The following PCDHGA2 variants were observed in gnomAD, a reference collection of about 807,000 sequenced individuals.
PCDHGA2 encodes protocadherin gamma-A2.
PCDHGA2 carries 40 observed loss-of-function variants against 59.2 expected under a neutral mutation model. The ratio of observed to expected loss-of-function variants is 0.68; its 90% CI spans 0.52 to 0.88. The LOEUF (loss-of-function observed/expected upper bound fraction) is 0.88, where lower values mean the gene tolerates loss of function less well. Among genes scored for constraint, PCDHGA2 ranks in the 40% least tolerant of loss-of-function variants. PCDHGA2 has a pLI of 0.00. For synonymous variants in PCDHGA2, 560 were observed against 526.0 expected, an observed-to-expected ratio of 1.06 and a Z score of -0.89; for missense variants, 1,226 against 1,204.0, an observed-to-expected ratio of 1.02 and a Z score of -0.27.
chr5:141,501,302 C>T (rs886901737), intron 2 of PCDHGA2, among the ~76,000 whole-genome samples: 14 of 151,156 alleles, frequency 9.3e-5, no homozygotes, highest in African/African-American at 2.9e-4. Flanking sequence ...CACACACACA[C>T]ACACACACAC....
rs752011641 is a variant in PCDHGA2 at position 141,490,299 on chromosome 5, C to T, written c.2425-4508C>T. 1.2e-6 allele frequency: 2 copies of T among 1,614,068 alleles called. No homozygotes were observed. Among genetic ancestry groups the T allele is most frequent in the East Asian group, 2.2e-5 (1 of 44,896 alleles). Reference sequence around the variant, plus strand: ...ACAATGCCCCAGAGGTGCTATTGGCCTCTTTGGCCAACCCTGTCCTAGAGA... The same window carrying T: ...ACAATGCCCCAGAGGTGCTATTGGCTTCTTTGGCCAACCCTGTCCTAGAGA... On this transcript the variant is annotated intron_variant, in intron 1 of 3. Coordinates refer to ENST00000394576, the MANE Select transcript of PCDHGA2 (RefSeq NM_018915.4). The surrounding 1 kb of genome is among the most constrained non-coding windows in gnomAD (Gnocchi z 5.4).
intron 1 of PCDHGA2, among the ~76,000 whole-genome samples, chr5:141,436,383 G>C (rs1374382672): frequency 6.6e-6 from 1 of 152,104 alleles, no homozygotes; most frequent in Admixed American, 6.5e-5. Context: ...AGCTGAATAG[G>C]CTTTATTAAA....
rs201378410 is a variant in PCDHGA2, at chr5:141,414,802, G to T, written c.2424+73407G>T. Reference sequence around the variant, plus strand: ...GCAGGTGACAGCCAGCGACAGCGGGGATCCTCCACTCAGCAGCAACGTGTC... The same window carrying T: ...GCAGGTGACAGCCAGCGACAGCGGGTATCCTCCACTCAGCAGCAACGTGTC... On this transcript the variant is annotated intron_variant, in intron 1 of 3. Coordinates refer to ENST00000394576, the MANE Select transcript of PCDHGA2 (RefSeq NM_018915.4). The T allele has an allele frequency of 4.3e-6, 7 of 1,614,226 alleles. No homozygotes were observed. The African/African-American group carries it at 8.0e-5, about 18-fold the overall frequency.
intron 1 of PCDHGA2, among the ~76,000 whole-genome samples, chr5:141,451,429 G>A (rs577699188): frequency 1.3e-3 from 195 of 152,306 alleles, no homozygotes; most frequent in African/African-American, 4.5e-3. Flanking sequence ...TAGACTAAGG[G>A]TTCCAGTTCC....
chr5:141,383,817 A>T, intron 1 of PCDHGA2: 1 of 1,613,926 alleles, frequency 6.2e-7, no homozygotes, highest in Non-Finnish European at 8.5e-7. Context: ...CTTTAGAAGG[A>T]TTAGATTATG....
intron 1 of PCDHGA2, among the ~76,000 whole-genome samples, chr5:141,483,203 A>G (rs940487337): frequency 6.6e-6 from 1 of 152,204 alleles, no homozygotes; most frequent in Admixed American, 6.5e-5. Flanking sequence ...ATTTTATTCC[A>G]TATAGATGAC....
chr5:141,394,536 G>C (rs2093028301), intron 1 of PCDHGA2: 2 of 1,614,070 alleles, frequency 1.2e-6, no homozygotes. Flanking sequence ...TTCCACTGGC[G>C]TGGAGCTGGC....
chr5:141,490,585 G>C lies in PCDHGA2; in HGVS notation c.2425-4222G>C. On this transcript the variant is annotated intron_variant, in intron 1 of 3. Transcript: ENST00000394576. The surrounding 1 kb of genome is among the most constrained non-coding windows in gnomAD (Gnocchi z 5.4). Reference sequence around the variant, plus strand: ...CAGGCTCAACATTTCAGATGTCAATGACAATGCACCCCGCTTCAACCAGCA... The same window carrying C: ...CAGGCTCAACATTTCAGATGTCAATCACAATGCACCCCGCTTCAACCAGCA... The C allele has an allele frequency of 6.2e-7, 1 of 1,614,142 alleles. No homozygotes were observed. Among genetic ancestry groups the C allele is most frequent in the South Asian group, 1.1e-5 (1 of 91,078 alleles).
chr5:141,484,277 G>T (rs1026083889), intron 1 of PCDHGA2, among the ~76,000 whole-genome samples: 1 of 152,126 alleles, frequency 6.6e-6, no homozygotes, highest in South Asian at 2.1e-4. Context: ...TTACTGTTTT[G>T]AAACATCTCC....
At chr5:141,509,153 C>G (rs2099875485) in intron 3 of PCDHGA2, among the ~76,000 whole-genome samples, 2 of 152,190 alleles carry the variant, frequency 1.3e-5, no homozygotes, top group Non-Finnish European at 2.9e-5. Context: ...CGGCTCTCCC[C>G]TCCCGTGTGC....
intron 1 of PCDHGA2, chr5:141,405,444 G>C: frequency 7.2e-7 from 1 of 1,379,466 alleles, no homozygotes; most frequent in Non-Finnish European, 1.0e-6. Flanking sequence ...TTTTGAGACA[G>C]AGTCTTACTC....
chr5:141,486,452 G>T lies in PCDHGA2; in HGVS notation c.2425-8355G>T. 6.2e-7 allele frequency: 1 copy of T among 1,614,152 alleles called. No homozygotes were observed. Among genetic ancestry groups the T allele is most frequent in the Non-Finnish European group, 8.5e-7 (1 of 1,179,996 alleles). Reference sequence around the variant, plus strand: ...ATCTAGCTATGACATCATGGTCACTGCTTCTGATGCTGGGAACCCTCCTCT... The same window carrying T: ...ATCTAGCTATGACATCATGGTCACTTCTTCTGATGCTGGGAACCCTCCTCT... On this transcript the variant is annotated intron_variant, in intron 1 of 3. Coordinates refer to ENST00000394576, the MANE Select transcript of PCDHGA2 (RefSeq NM_018915.4). This position sits in a 1 kb window ranked among gnomAD's most constrained non-coding sequence, Gnocchi z 5.0.
Position 141,340,173 on chromosome 5 carries a change from A to T in PCDHGA2, c.1202A>T (p.Tyr401Phe). The T allele has an allele frequency of 1.2e-6, 2 of 1,614,126 alleles. No homozygotes were observed. Among genetic ancestry groups the T allele is most frequent in the Non-Finnish European group, 1.7e-6 (2 of 1,179,960 alleles). The part of the protein sequence containing the change: ...PFKLEKSVDN[Y>F]YRLVTTRALD... The stretch of plus-strand genomic sequence containing the variant: ...AAGTTAGAAAAGTCAGTAGACAATT[A>T]CTACCGACTGGTTACAACCAGAGCC... The change falls in exon 1 of 4, where the codon TAC becomes TTC. Residue 401 changes from tyrosine to phenylalanine, a missense_variant. Transcript: ENST00000394576.
rs1426255577 is a variant in PCDHGA2, at chr5:141,512,797, TG to T, written c.*1625del. 6.6e-6 allele frequency: 1 copy of T among 152,300 alleles called. No homozygotes were observed. Among genetic ancestry groups the T allele is most frequent in the African/African-American group, 2.4e-5 (1 of 41,444 alleles). The allele number at this position is 152,300 out of a possible 1,614,324, so 9.4% of individuals were successfully genotyped here. On this transcript the variant is annotated 3_prime_UTR_variant, in exon 4 of 4. Transcript: ENST00000394576. ...GCGGCCCGTGTTGTGTTTTGTGCTGTGTCCACGCGCTAAGGCGACCCCCTCC... is the reference window on the plus strand; with the variant it reads ...GCGGCCCGTGTTGTGTTTTGTGCTGTTCCACGCGCTAAGGCGACCCCCTCC...
rs1187147820 is a variant in PCDHGA2, at chr5:141,340,488, C to G, written c.1517C>G (p.Ser506Cys). ...GGGGCACCCTTATCCTCTTACATCT[C>G]TATCAACTCCGACACTGGAGTACTC... ...VQGAPLSSYI[S>C]INSDTGVLYA... Residue 506 changes from serine to cysteine, a missense_variant, in exon 1 of 4, where the codon TCT becomes TGT. By Grantham distance (112) the Ser-to-Cys change is moderately radical. Coordinates refer to ENST00000394576, the MANE Select transcript of PCDHGA2 (RefSeq NM_018915.4). 1.9e-6 allele frequency: 3 copies of G among 1,614,246 alleles called. No homozygotes were observed. Among genetic ancestry groups the G allele is most frequent in the Non-Finnish European group, 2.5e-6 (3 of 1,180,044 alleles).
intron 1 of PCDHGA2, chr5:141,365,694 C>A (rs757316678): frequency 5.0e-6 from 8 of 1,613,466 alleles, no homozygotes; most frequent in South Asian, 1.1e-5. Flanking sequence ...TTCCCTCAAG[C>A]CTCCTACTCC....
intron 2 of PCDHGA2, among the ~76,000 whole-genome samples, chr5:141,495,922 C>G (rs1263216717): frequency 6.6e-6 from 1 of 152,100 alleles, no homozygotes; most frequent in Non-Finnish European, 1.5e-5. Context: ...CTTTCTTTGT[C>G]TCTGTCTCTG....
intron 1 of PCDHGA2, chr5:141,422,942 G>C (rs199976232): frequency 6.2e-7 from 1 of 1,614,214 alleles, no homozygotes; most frequent in East Asian, 2.2e-5. Flanking sequence ...CCCACAGACG[G>C]CTCCACTGGC....
At position 141,491,267 on chromosome 5, in the gene PCDHGA2, A is replaced by C. The variant is rs1376540913; in HGVS notation, c.2425-3540A>C. ...GATGAGGACCCTGAGGAAATGCCCA[A>C]ATCCAGTGACTTCCTCATACACCCT... On this transcript the variant is annotated intron_variant, in intron 1 of 3. Coordinates refer to ENST00000394576, the MANE Select transcript of PCDHGA2 (RefSeq NM_018915.4). This position sits in a 1 kb window ranked among gnomAD's most constrained non-coding sequence, Gnocchi z 6.9. The C allele has an allele frequency of 2.5e-6, 4 of 1,613,944 alleles. No individual in the cohort carries two copies. The highest frequency in any genetic ancestry group is 3.4e-6 in the Non-Finnish European group (4 of 1,179,936).
Sources: gnomAD v4.1 joint callset for allele counts (sites outside exome capture counted in the v4.1 genomes callset) on GRCh38, gnomAD v4.1.1 for gene constraint, Gnocchi (gnomAD v3.1) non-coding constraint, MANE v1.5 for transcripts, NCBI Gene and HGNC (gene_info 2026-07-23, HGNC 2026-07-21) for gene names.